Variants in CACNA1A observed in about 807,000 individuals in gnomAD.
CACNA1A encodes the protein voltage-dependent P/Q-type calcium channel subunit alpha-1A.
A neutral mutation model predicts 262.4 loss-of-function variants in CACNA1A; 57 were observed. The observed-to-expected ratio is 0.22, with a 90% confidence interval of 0.18 to 0.27. CACNA1A has a LOEUF of 0.27. CACNA1A is among the 10% of genes least tolerant of loss of function. The pLI, the probability that CACNA1A is intolerant of heterozygous loss-of-function variation, is 1.00. For synonymous variants in CACNA1A, 1,431 were observed against 1,419.3 expected (o/e 1.01, Z -0.18); for missense variants, 2,526 against 3,562.8 (o/e 0.71, Z 7.41).
intron 2 of CACNA1A, among the ~76,000 whole-genome samples, chr19:13,454,669 G>A (rs1425542064): frequency 1.4e-4 from 21 of 152,060 alleles, no homozygotes; most frequent in Admixed American, 1.1e-3. Flanking sequence ...ACAGTGTCTG[G>A]CCAAGACATA....
At chr19:13,433,292 CAA>C (rs71170514) in intron 3 of CACNA1A, among the ~76,000 whole-genome samples, 2,479 of 98,142 alleles carry the variant, frequency 0.025, 29 homozygotes, top group African/African-American at 0.039. Flanking sequence ...GACTCTGTCT[CAA>C]AAAAAAAAAA....
intron 24 of CACNA1A, chr19:13,272,138 T>C (rs574000407): frequency 1.8e-3 from 275 of 152,420 alleles, no homozygotes; most frequent in Non-Finnish European, 2.6e-3. Context: ...GAAAGTGACA[T>C]TGGAGACCTG....
intron 30 of CACNA1A, among the ~76,000 whole-genome samples, chr19:13,249,157 G>A (rs187404473): frequency 2.0e-5 from 3 of 152,170 alleles, no homozygotes; most frequent in Admixed American, 1.3e-4. Flanking sequence ...TAGAGATGAG[G>A]TCTTGCTATG....
chr19:13,392,797 A>C (rs1177478095), intron 3 of CACNA1A, among the ~76,000 whole-genome samples: 1 of 151,936 alleles, frequency 6.6e-6, no homozygotes, highest in African/African-American at 2.4e-5. Context: ...CCCAGGCTGG[A>C]GTACAGTAGT....
chr19:13,208,877 GGATGGT>G lies in CACNA1A; in HGVS notation c.6653_6658del (p.His2218_His2219del), dbSNP rs774721955. On this transcript the variant is annotated inframe_deletion, in exon 46 of 47. Transcript: ENST00000360228. ...ATAGCGGTCCTTGTCGGGGGGCGGG[GGATGGT>G]GGTGGTGGTGGTGGTGGTGGTGGTG... The G allele has an allele frequency of 9.5e-5, 139 of 1,459,562 alleles. No homozygotes were observed. The highest frequency in any genetic ancestry group is 5.3e-4 in the East Asian group (20 of 37,964). 90.4% of individuals were successfully genotyped at this position (1,459,562 alleles called of 1,614,324 possible).
In CACNA1A at chr19:13,262,793, G is replaced by A; in HGVS notation, c.4030C>T (p.Leu1344Phe). 6.2e-7 allele frequency: 1 copy of A among 1,613,624 alleles called. No individual in the cohort carries two copies. Among genetic ancestry groups the A allele is most frequent in the Non-Finnish European group, 8.5e-7 (1 of 1,179,672 alleles). The part of the protein sequence containing the change: ...KGKDINTIKS[L>F]RVLRVLRPLK... ...GGTCGTAGCACCCGGAGGACTCGGAGGGATTTAATCGTGTTGATGTCTTTT... is the reference window on the plus strand; with the variant it reads ...GGTCGTAGCACCCGGAGGACTCGGAAGGATTTAATCGTGTTGATGTCTTTT... The change falls in exon 25 of 47, where the codon CTC becomes TTC. Residue 1344 changes from leucine to phenylalanine, a missense_variant. By Grantham distance (22) the Leu-to-Phe change is conservative (BLOSUM62 0). This residue lies in a region of CACNA1A where 137 missense variants were observed against 377.7 expected (regional missense o/e 0.36). Transcript: ENST00000360228.
At chr19:13,425,511 C>G (rs1361847859) in intron 3 of CACNA1A, among the ~76,000 whole-genome samples, 1 of 152,198 alleles carries the variant, frequency 6.6e-6, no homozygotes, top group East Asian at 1.9e-4. Context: ...TCCCGTCTTT[C>G]CATTCCCAGA....
At chr19:13,317,582 T>G (rs1301373558) in intron 10 of CACNA1A, among the ~76,000 whole-genome samples, 1 of 152,130 alleles carries the variant, frequency 6.6e-6, no homozygotes, top group Non-Finnish European at 1.5e-5. Flanking sequence ...AGGAGCCAAT[T>G]TTCCATGTCT....
intron 24 of CACNA1A, chr19:13,273,439 C>T (rs1277037417): frequency 1.3e-5 from 2 of 152,032 alleles, no homozygotes; most frequent in African/African-American, 2.4e-5. Flanking sequence ...TTACTAGTTG[C>T]CAGCATTCTA....
chr19:13,400,507 A>G (rs773014223), intron 3 of CACNA1A, among the ~76,000 whole-genome samples: 31 of 152,164 alleles, frequency 2.0e-4, no homozygotes, highest in Non-Finnish European at 3.5e-4. Context: ...GCTTGCCACC[A>G]TCATGCTCAC....
chr19:13,279,072 C>A (rs2057222619), intron 22 of CACNA1A, among the ~76,000 whole-genome samples: 1 of 151,942 alleles, frequency 6.6e-6, no homozygotes, highest in South Asian at 2.1e-4. Flanking sequence ...TCGCTCAGTA[C>A]CTGGCACATA....
chr19:13,239,038 A>G (rs959145951), intron 31 of CACNA1A, among the ~76,000 whole-genome samples: 1 of 152,062 alleles, frequency 6.6e-6, no homozygotes, highest in Non-Finnish European at 1.5e-5. Context: ...GCCCACCTCC[A>G]GCCCAGCCTC....
At chr19:13,252,897 C>T in intron 30 of CACNA1A, 94 bp downstream of exon 30, 1 of 776,294 alleles carries the variant, frequency 1.3e-6, no homozygotes, top group Middle Eastern at 2.8e-4. Flanking sequence ...GGTTGGGGTT[C>T]TTGGGGCCAC....
intron 6 of CACNA1A, among the ~76,000 whole-genome samples, chr19:13,357,329 T>C (rs2059022961): frequency 6.6e-6 from 1 of 152,138 alleles, no homozygotes; most frequent in Non-Finnish European, 1.5e-5. Context: ...CATAAATGGG[T>C]TGTTAAGGAA....
intron 19 of CACNA1A, among the ~76,000 whole-genome samples, chr19:13,298,153 CAG>C (rs1342895192): frequency 7.4e-4 from 64 of 86,764 alleles, no homozygotes; most frequent in African/African-American, 2.9e-3. Context: ...TTTTTTGAGA[CAG>C]AGTCTCACTC....
In CACNA1A at chr19:13,283,208, A is replaced by C. The variant is rs2057329763; in HGVS notation, c.3822+59T>G. On this transcript the variant is annotated intron_variant, in intron 22 of 46. Transcript: ENST00000360228. ...TACCTATGAGCATTTTGGATGCAGGAGAAAGTGGCCTGAGGCAGAGCAGCC... is the reference window on the plus strand; with the variant it reads ...TACCTATGAGCATTTTGGATGCAGGCGAAAGTGGCCTGAGGCAGAGCAGCC... 3.8e-6 allele frequency: 6 copies of C among 1,588,680 alleles called. No individual in the cohort carries two copies. In the South Asian group the frequency reaches 5.7e-5, roughly 15 times the overall value.
intron 31 of CACNA1A, 45 bp from the exon 32 acceptor site, chr19:13,235,775 A>G (rs2144650150): frequency 2.1e-6 from 3 of 1,424,166 alleles, no homozygotes; most frequent in Non-Finnish European, 3.0e-6. Flanking sequence ...CCACCCCAAA[A>G]GGCTCAGAGC....
chr19:13,436,761 G>C (rs1393354670), intron 3 of CACNA1A, among the ~76,000 whole-genome samples: 1 of 152,228 alleles, frequency 6.6e-6, no homozygotes, highest in East Asian at 1.9e-4. Flanking sequence ...GCCATAAAGA[G>C]GGGACCTAAA....
At chr19:13,331,669 A>T (rs1281375543) in intron 9 of CACNA1A, among the ~76,000 whole-genome samples, 1 of 136,406 alleles carries the variant, frequency 7.3e-6, no homozygotes, top group Non-Finnish European at 1.6e-5. Context: ...CCTATCTCTA[A>T]ATTCTTTTTT....
Sources: allele counts gnomAD v4.1 joint callset (sites outside exome capture counted in the v4.1 genomes callset), GRCh38; gene constraint gnomAD v4.1.1; regional missense constraint gnomAD v4.1.1; transcripts MANE v1.5; gene names NCBI Gene and HGNC (gene_info 2026-07-23, HGNC 2026-07-21).